KAZN: variants seen among roughly 807,000 people sequenced by gnomAD.
The protein encoded by KAZN is kazrin.
In KAZN, 40 loss-of-function variants were observed where a neutral mutation model predicts 87.4. That is an observed-to-expected ratio of 0.46 (90% CI 0.36 to 0.60). The LOEUF is 0.60. KAZN is among the 20% of genes least tolerant of loss of function. KAZN has a pLI of 0.00. For missense variants in KAZN, 898 were observed against 1,073.9 expected, an observed-to-expected ratio of 0.84 and a Z score of 2.29; for synonymous variants, 466 against 458.3, an observed-to-expected ratio of 1.02 and a Z score of -0.22.
At chr1:15,007,901 G>T (rs989146914) in intron 2 of KAZN, among the ~76,000 whole-genome samples, 1 of 152,186 alleles carries the variant, frequency 6.6e-6, no homozygotes, top group Admixed American at 6.5e-5. Context: ...AAAGCCTTGA[G>T]CCCCCATCAG....
chr1:14,159,132 C>A (rs1645657203), intron 1 of KAZN, among the ~76,000 whole-genome samples: 1 of 152,126 alleles, frequency 6.6e-6, no homozygotes, highest in African/African-American at 2.4e-5. Flanking sequence ...TTGCTCAAGG[C>A]CCTGGGACTC....
In KAZN at chr1:14,142,016, G is replaced by A. The variant is rs146315135; in HGVS notation, c.92-38419G>A. ...TGCTATAAAGAGTACATTTTTGATG[G>A]GAAATCCGTGTAAGTTTATTTATCT... On this transcript the variant is annotated intron_variant, in intron 1 of 16. Coordinates refer to the KAZN transcript ENST00000636203. Among the ~76,000 whole-genome samples, 936 of 152,012 alleles carry A rather than the reference G, an allele frequency of 6.2e-3. 9 individuals carry two copies. Among genetic ancestry groups the A allele is most frequent in the African/African-American group, 0.022 (901 of 41,448 alleles).
Position 15,065,859 on chromosome 1 carries a change from C to A in KAZN, c.1222+106C>A. 6 of 1,553,120 alleles carry A rather than the reference C, an allele frequency of 3.9e-6. No individual in the cohort carries two copies. In the South Asian group the frequency reaches 7.2e-5, roughly 19 times the overall value. On this transcript the variant is annotated intron_variant, in intron 8 of 14. Coordinates refer to ENST00000376030, the MANE Select transcript of KAZN (RefSeq NM_201628.3). ...CTGTGCGTGTGGGCGTGTGTGCAAGCGAGCGTGGGTGCGCGTGTGGCCGTG... is the reference window on the plus strand; with the variant it reads ...CTGTGCGTGTGGGCGTGTGTGCAAGAGAGCGTGGGTGCGCGTGTGGCCGTG...
chr1:14,541,218 CA>C (rs1335480103), intron 2 of KAZN, among the ~76,000 whole-genome samples: 3 of 152,188 alleles, frequency 2.0e-5, no homozygotes, highest in African/African-American at 7.2e-5. Context: ...CAACTTCCCC[CA>C]AGGACGAAGG....
rs77506989 is a variant in KAZN at position 14,646,858 on chromosome 1, T to C, written c.226+47635T>C. Reference sequence around the variant, plus strand: ...TTTCTGTCTCTCTCCCTTGCCTCTTTGTGACAACTGCCAAAGAATTAGCAC... The same window carrying C: ...TTTCTGTCTCTCTCCCTTGCCTCTTCGTGACAACTGCCAAAGAATTAGCAC... On this transcript the variant is annotated intron_variant, in intron 1 of 14. Transcript: ENST00000376030. 3.9e-3 allele frequency among the ~76,000 whole-genome samples: 598 copies of C among 152,310 alleles called. 16 individuals are homozygous for C. The East Asian group carries it at 0.046, about 12-fold the overall frequency.
At chr1:13,909,818 T>C (rs1205499222) in intron 1 of KAZN, among the ~76,000 whole-genome samples, 1 of 152,184 alleles carries the variant, frequency 6.6e-6, no homozygotes, top group Non-Finnish European at 1.5e-5. Flanking sequence ...GGGTAATCTG[T>C]AGCGGTGGAA....
intron 2 of KAZN, among the ~76,000 whole-genome samples, chr1:14,397,353 T>C (rs989979465): frequency 6.6e-6 from 1 of 152,200 alleles, no homozygotes; most frequent in Non-Finnish European, 1.5e-5. Context: ...ATGGCCTCCT[T>C]CTCATTGTGT....
chr1:14,251,587 A>G (rs1437608135), intron 2 of KAZN, among the ~76,000 whole-genome samples: 1 of 149,964 alleles, frequency 6.7e-6, no homozygotes, highest in Admixed American at 6.7e-5. Flanking sequence ...CAGAAGATCA[A>G]GTTGTCACTG....
At chr1:14,956,266 C>T (rs1467886585) in intron 1 of KAZN, among the ~76,000 whole-genome samples, 2 of 142,996 alleles carry the variant, frequency 1.4e-5, no homozygotes. Context: ...TTGGTGGCTT[C>T]CTTGGGTGGT....
chr1:14,239,455 CT>C (rs386366265), intron 2 of KAZN, among the ~76,000 whole-genome samples: 4,232 of 95,630 alleles, frequency 0.044, 60 homozygotes, highest in Middle Eastern at 0.054. Flanking sequence ...AGTTGGGTTT[CT>C]TTTTTTTTTT....
intron 2 of KAZN, among the ~76,000 whole-genome samples, chr1:15,004,816 C>T (rs938930771): frequency 8.9e-5 from 13 of 146,408 alleles, no homozygotes; most frequent in African/African-American, 2.5e-4. Context: ...GATATCATGC[C>T]TCAGTTCCTA....
At chr1:14,956,155 C>T (rs1281449368) in intron 1 of KAZN, among the ~76,000 whole-genome samples, 1 of 152,070 alleles carries the variant, frequency 6.6e-6, no homozygotes, top group African/African-American at 2.4e-5. Context: ...AGAAGTGACA[C>T]GAGGCTTATG....
At chr1:13,936,099 T>TTTTTTTTTTTG (rs1640729207) in intron 1 of KAZN, among the ~76,000 whole-genome samples, 1 of 133,650 alleles carries the variant, frequency 7.5e-6, no homozygotes, top group African/African-American at 2.7e-5. Context: ...AAGTGCAGTT[T>TTTTTTTTTTTG]TTTTTTTTTT....
At chr1:15,080,742 G>C (rs1235314939) in intron 8 of KAZN, among the ~76,000 whole-genome samples, 1 of 152,232 alleles carries the variant, frequency 6.6e-6, no homozygotes, top group African/African-American at 2.4e-5. Context: ...ACTTCCCAAG[G>C]GCAGGGAGTG....
In KAZN at chr1:13,920,021, G is replaced by A. The variant is rs1011440786; in HGVS notation, c.91+26265G>A. 2.0e-5 allele frequency among the ~76,000 whole-genome samples: 3 copies of A among 152,026 alleles called. No homozygotes were observed. In the East Asian group the frequency reaches 5.8e-4, roughly 29 times the overall value. ...TTATTAAAAAGGTTATTTTGCTGAGGTGGGTGGATCACAAGGTCAGGAGTT... is the reference window on the plus strand; with the variant it reads ...TTATTAAAAAGGTTATTTTGCTGAGATGGGTGGATCACAAGGTCAGGAGTT... On this transcript the variant is annotated intron_variant, in intron 1 of 16. Transcript: ENST00000636203.
chr1:14,180,379 T>G (rs1295120041), intron 1 of KAZN: 1 of 1,501,802 alleles, frequency 6.7e-7, no homozygotes, highest in Non-Finnish European at 9.0e-7. Flanking sequence ...GCTAGTCAAT[T>G]TCTCTTTGAA....
In KAZN at chr1:14,296,629, C is replaced by CTTTT. The variant is rs775666706; in HGVS notation, c.249+116058_249+116061dup. ...AATGTAGGGCTGAGTTTTTGTATTT[C>CTTTT]TTTTTTTTTTTTTTTTTTTTTTTTG... On this transcript the variant is annotated intron_variant, in intron 2 of 16. Transcript: ENST00000636203. 3.7e-3 allele frequency among the ~76,000 whole-genome samples: 302 copies of CTTTT among 82,724 alleles called. 6 individuals carry two copies. The highest frequency in any genetic ancestry group is 0.017 in the East Asian group (41 of 2,406). 54.3% of individuals were successfully genotyped at this position (82,724 alleles called of 152,430 possible).
At chr1:14,969,467 C>G (rs1664792296) in intron 2 of KAZN, among the ~76,000 whole-genome samples, 1 of 152,248 alleles carries the variant, frequency 6.6e-6, no homozygotes, top group African/African-American at 2.4e-5. Context: ...TGAGCCAGCC[C>G]CTCGGTCCCA....
chr1:14,995,264 C>G (rs1016657145), intron 2 of KAZN, among the ~76,000 whole-genome samples: 1 of 152,188 alleles, frequency 6.6e-6, no homozygotes, highest in Non-Finnish European at 1.5e-5. Context: ...AGTTCCCTGC[C>G]AAGCCTGGCC....
Sources: allele counts gnomAD v4.1 joint callset (sites outside exome capture counted in the v4.1 genomes callset), GRCh38; gene constraint gnomAD v4.1.1; transcripts MANE v1.5; gene names NCBI Gene and HGNC (gene_info 2026-07-23, HGNC 2026-07-21).